The following ANLN variants were observed in gnomAD, a reference collection of about 807,000 sequenced individuals.
The protein encoded by ANLN is anillin, actin binding protein, also known as anillin.
ANLN carries 59 observed loss-of-function variants against 135.1 expected under a neutral mutation model. The ratio of observed to expected loss-of-function variants is 0.44; its 90% CI spans 0.35 to 0.54. The LOEUF (loss-of-function observed/expected upper bound fraction) is 0.54, where lower values mean the gene tolerates loss of function less well. Among genes scored for constraint, ANLN ranks in the 20% least tolerant of loss-of-function variants. The probability of loss-of-function intolerance (pLI) is 0.00; values close to 1 mark genes in which losing one functional copy is unlikely to be tolerated. For synonymous variants in ANLN, 406 were observed against 456.4 expected (o/e 0.89, Z 1.41); for missense variants, 1,182 against 1,340.0 (o/e 0.88, Z 1.84).
intron 20 of ANLN, among the ~76,000 whole-genome samples, chr7:36,434,507 G>A (rs1224941827): frequency 6.6e-6 from 1 of 152,170 alleles, no homozygotes; most frequent in East Asian, 1.9e-4. Context: ...TTATGGCAAG[G>A]TTGCTCCTCT....
chr7:36,413,754 A>G (rs963766155), intron 7 of ANLN, among the ~76,000 whole-genome samples: 3 of 152,100 alleles, frequency 2.0e-5, no homozygotes, highest in Non-Finnish European at 4.4e-5. Context: ...ACTTTAGGAG[A>G]CTGAGGCAGG....
At position 36,419,446 on chromosome 7, in the gene ANLN, A is replaced by C. The variant is rs1245761042; in HGVS notation, c.1836A>C (p.Pro612=). ...TCTCCTCAATGTCTTTACTTGCACC[A>C]TTGGCACAAACAGTTGGTGTGGTAA... is the stretch of plus-strand genomic sequence containing the variant. The part of the protein sequence containing the change: ...LNISSMSLLA[P]LAQTVGVVSP... The change falls in exon 10 of 24, where the codon CCA becomes CCC. Residue 612 remains proline (P), a synonymous_variant. Coordinates refer to ENST00000265748, the MANE Select transcript of ANLN (RefSeq NM_018685.5). 6.2e-7 allele frequency: 1 copy of C among 1,613,822 alleles called. No homozygotes were observed. The highest frequency in any genetic ancestry group is 8.5e-7 in the Non-Finnish European group (1 of 1,180,014).
At chr7:36,417,240 A>G in intron 9 of ANLN, 50 bp downstream of exon 9, 1 of 1,013,114 alleles carries the variant, frequency 9.9e-7, no homozygotes, top group Non-Finnish European at 1.5e-6. Context: ...ACTATAGGAA[A>G]TAATATATTG....
chr7:36,447,178 A>C (rs934718250), intron 22 of ANLN, among the ~76,000 whole-genome samples: 2 of 152,214 alleles, frequency 1.3e-5, no homozygotes, highest in African/African-American at 4.8e-5. Context: ...CGAAACTAGC[A>C]TGAATTTCTT....
chr7:36,441,097 AGT>A (rs1376618289), intron 21 of ANLN, among the ~76,000 whole-genome samples: 5 of 152,164 alleles, frequency 3.3e-5, no homozygotes, highest in East Asian at 1.9e-4. Context: ...GTCTTGGAAG[AGT>A]GTAAATTTCT....
chr7:36,391,055 ATATTAAT>A, intron 1 of ANLN, among the ~76,000 whole-genome samples: 1 of 152,330 alleles, frequency 6.6e-6, no homozygotes, highest in South Asian at 2.1e-4. Context: ...TATGTATGAG[ATATTAAT>A]TACAGATTTC....
Position 36,426,995 on chromosome 7 carries a change from T to C in ANLN, c.2850T>C (p.Ser950=), listed in dbSNP as rs753591297. The change falls in exon 20 of 24, where the codon TCT becomes TCC. Residue 950 remains serine, a synonymous_variant. Coordinates refer to ENST00000265748, the MANE Select transcript of ANLN (RefSeq NM_018685.5). Reference sequence around the variant, plus strand: ...TTGGATCTTACACATTATCATTGTCTTCAGTAGGAAATACTAAGTTTGTTC... The same window carrying C: ...TTGGATCTTACACATTATCATTGTCCTCAGTAGGAAATACTAAGTTTGTTC... ...ALVGSYTLSL[S]SVGNTKFVLD... The C allele has an allele frequency of 6.2e-7, 1 of 1,612,806 alleles. No individual in the cohort carries two copies. Among genetic ancestry groups the C allele is most frequent in the South Asian group, 1.1e-5 (1 of 90,806 alleles).
chr7:36,428,338 T>G, intron 20 of ANLN: 2 of 1,284,860 alleles, frequency 1.6e-6, no homozygotes, highest in South Asian at 2.5e-5. Context: ...CGAGAGCTAC[T>G]GGGCTATTTG....
rs771336228 is a variant in ANLN, at chr7:36,407,812, C to T, written c.952C>T (p.Pro318Ser). The T allele has an allele frequency of 3.1e-6, 5 of 1,613,728 alleles. No homozygotes were observed. The highest frequency in any genetic ancestry group is 1.3e-5 in the African/African-American group (1 of 74,902). Residue 318 changes from proline (P) to serine (S), a missense_variant, in exon 5 of 24, where the codon CCA becomes TCA. Physicochemically the swap from Pro to Ser is moderately conservative, Grantham distance 74. Coordinates refer to ENST00000265748, the MANE Select transcript of ANLN (RefSeq NM_018685.5). ...TGAGGGACAAAATCCTGAGCTACTT[C>T]CAAAAACTCCTATTAGTCCTCTGAA... ...SCEGQNPELL[P>S]KTPISPLKTG...
At chr7:36,429,301 G>C (rs573793164) in intron 20 of ANLN, among the ~76,000 whole-genome samples, 1 of 151,994 alleles carries the variant, frequency 6.6e-6, no homozygotes, top group East Asian at 1.9e-4. Flanking sequence ...GCTCACTACA[G>C]CCTCCATCTC....
Position 36,415,697 on chromosome 7 carries a change from A to T in ANLN, c.1396-61A>T. The T allele has an allele frequency of 3.4e-6, 5 of 1,461,626 alleles. No homozygotes were observed. The South Asian group carries it at 5.7e-5, about 17-fold the overall frequency. The allele number at this position is 1,461,626 out of a possible 1,614,324, so 90.5% of individuals were successfully genotyped here. ...TAATAATCTTGTTTCATTTAATAACATAGAAAGATAAAATATATAGTTTTG... is the reference window on the plus strand; with the variant it reads ...TAATAATCTTGTTTCATTTAATAACTTAGAAAGATAAAATATATAGTTTTG... On this transcript the variant is annotated intron_variant, in intron 7 of 23. Transcript: ENST00000265748.
intron 9 of ANLN, among the ~76,000 whole-genome samples, chr7:36,417,864 AG>A (rs1356024552): frequency 1.3e-5 from 2 of 151,740 alleles, no homozygotes; most frequent in East Asian, 1.9e-4. Context: ...TTTAGTAGAG[AG>A]GGGGTTTCAC....
chr7:36,426,836 A>G (rs1583633944), intron 19 of ANLN, 80 bp from the exon 20 acceptor site: 2 of 721,170 alleles, frequency 2.8e-6, no homozygotes, highest in Non-Finnish European at 4.3e-6. Context: ...ATTTTCTTCT[A>G]CTGGGATGGG....
chr7:36,396,441 A>C (rs1447591272), intron 2 of ANLN, 22 bp downstream of exon 2: 1 of 1,526,242 alleles, frequency 6.6e-7, no homozygotes, highest in African/African-American at 1.4e-5. Context: ...TGTGGGGAAA[A>C]ATAACATTTA....
rs114715152 is a variant in ANLN, at chr7:36,445,733, G to A, written c.3078+1871G>A. 6.0e-3 allele frequency among the ~76,000 whole-genome samples: 919 copies of A among 152,266 alleles called. 10 individuals are homozygous for A. The highest frequency in any genetic ancestry group is 0.021 in the African/African-American group (885 of 41,552). On this transcript the variant is annotated intron_variant, in intron 22 of 23. Transcript: ENST00000265748. ...CATGGATGAGAGTTCTTTTTTGAAT[G>A]TTACCTAGTAGCAGAATTGCTGGGT...
intron 3 of ANLN, among the ~76,000 whole-genome samples, chr7:36,401,698 A>C (rs1786960663): frequency 8.3e-6 from 1 of 119,932 alleles, no homozygotes; most frequent in South Asian, 2.3e-4. Flanking sequence ...TATTTATTTT[A>C]GCAGTGGTGA....
At chr7:36,415,402 GTTATTTTATTTTATT>G (rs58082754) in intron 7 of ANLN, among the ~76,000 whole-genome samples, 4 of 149,286 alleles carry the variant, frequency 2.7e-5, no homozygotes, top group East Asian at 2.0e-4. Context: ...TTTTTTTATT[GTTATTTTATTTTATT>G]TTATTTTATT....
chr7:36,410,082 G>C (rs16879370), intron 5 of ANLN, among the ~76,000 whole-genome samples: 7,843 of 152,116 alleles, frequency 0.052, 544 homozygotes, highest in African/African-American at 0.16. Flanking sequence ...TTTCACGTTA[G>C]GCTTCCTAAA....
At chr7:36,394,084 C>G (rs2116492574) in intron 1 of ANLN, among the ~76,000 whole-genome samples, 1 of 152,220 alleles carries the variant, frequency 6.6e-6, no homozygotes. Context: ...GCCACCCCAC[C>G]CCCCAGGTAG....
Sources: allele counts gnomAD v4.1 joint callset (sites outside exome capture counted in the v4.1 genomes callset), GRCh38; gene constraint gnomAD v4.1.1; transcripts MANE v1.5; gene names NCBI Gene and HGNC (gene_info 2026-07-23, HGNC 2026-07-21).